ANKRD44: variants seen among roughly 807,000 people sequenced by gnomAD.
ANKRD44 encodes the protein serine/threonine-protein phosphatase 6 regulatory ankyrin repeat subunit B.
ANKRD44 carries 35 observed loss-of-function variants against 116.0 expected under a neutral mutation model. That is an observed-to-expected ratio of 0.30 (90% CI 0.23 to 0.40). The LOEUF (loss-of-function observed/expected upper bound fraction) is 0.40, where lower values mean the gene tolerates loss of function less well. Among genes scored for constraint, ANKRD44 ranks in the 10% least tolerant of loss-of-function variants. ANKRD44 has a pLI of 1.00. For missense variants in ANKRD44, 1,014 were observed against 1,242.6 expected (o/e 0.82, Z 2.77); for synonymous variants, 435 against 461.8 (o/e 0.94, Z 0.74).
At chr2:197,260,784 G>A (rs2082581238) in intron 1 of ANKRD44, among the ~76,000 whole-genome samples, 1 of 146,560 alleles carries the variant, frequency 6.8e-6, no homozygotes, top group Admixed American at 6.9e-5. Context: ...TTTAACTGGT[G>A]TGAGATGGTA....
At chr2:197,231,267 A>T (rs2081855957) in intron 1 of ANKRD44, among the ~76,000 whole-genome samples, 1 of 152,142 alleles carries the variant, frequency 6.6e-6, no homozygotes, top group African/African-American at 2.4e-5. Flanking sequence ...TAAAAAAATT[A>T]AAAATTTAAA....
At chr2:197,007,135 A>T (rs1383397850) in intron 20 of ANKRD44, among the ~76,000 whole-genome samples, 1 of 152,102 alleles carries the variant, frequency 6.6e-6, no homozygotes, top group African/African-American at 2.4e-5. Flanking sequence ...AGATGTGTGC[A>T]AATAATTGCC....
At chr2:196,972,718 T>A (rs1037873354) in intron 21 of ANKRD44, among the ~76,000 whole-genome samples, 5 of 152,196 alleles carry the variant, frequency 3.3e-5, no homozygotes, top group African/African-American at 1.2e-4. Context: ...CTCTTTTGAT[T>A]AGGATTTTTT....
rs2075873458 is a variant in ANKRD44, at chr2:196,989,047, C to A, written c.*544G>T. Reference sequence around the variant, plus strand: ...CCCTCTCTAACCAACGCGGAAGAACCTGAGGGTCATCTGGAAACCTTAGCA... The same window carrying A: ...CCCTCTCTAACCAACGCGGAAGAACATGAGGGTCATCTGGAAACCTTAGCA... On this transcript the variant is annotated 3_prime_UTR_variant, in exon 28 of 28. Coordinates refer to ENST00000282272, the MANE Select transcript of ANKRD44 (RefSeq NM_001195144.2). The A allele has an allele frequency of 4.1e-6, 4 of 985,392 alleles. No homozygotes were observed. The highest frequency in any genetic ancestry group is 4.8e-6 in the Non-Finnish European group (4 of 829,980). The allele number at this position is 985,392 out of a possible 1,614,324, so 61.0% of individuals were successfully genotyped here. A position where few individuals can be genotyped will look rare whatever the true frequency, so the allele number is the denominator to read the frequency against.
At chr2:196,974,431 A>G (rs1179652069) in intron 21 of ANKRD44, among the ~76,000 whole-genome samples, 1 of 152,214 alleles carries the variant, frequency 6.6e-6, no homozygotes, top group African/African-American at 2.4e-5. Context: ...GAAGTTACAA[A>G]GGAAATTGGA....
At chr2:197,173,522 T>C (rs2080290446) in intron 2 of ANKRD44, among the ~76,000 whole-genome samples, 1 of 152,176 alleles carries the variant, frequency 6.6e-6, no homozygotes, top group Non-Finnish European at 1.5e-5. Context: ...GTTCTGAATA[T>C]TACTTTAGGG....
chr2:196,978,355 C>G (rs750960270), intron 21 of ANKRD44, among the ~76,000 whole-genome samples: 80 of 152,306 alleles, frequency 5.3e-4, no homozygotes, highest in Non-Finnish European at 9.4e-4. Context: ...ACCATGCTTC[C>G]TGTACAGCCT....
intron 13 of ANKRD44, among the ~76,000 whole-genome samples, chr2:197,085,853 G>A (rs188165965): frequency 1.3e-5 from 2 of 152,068 alleles, no homozygotes; most frequent in East Asian, 1.9e-4. Flanking sequence ...TGTTTCTTGC[G>A]CAAGATACAA....
intron 1 of ANKRD44, among the ~76,000 whole-genome samples, chr2:197,220,579 G>T (rs1442197192): frequency 6.6e-6 from 1 of 152,134 alleles, no homozygotes; most frequent in Non-Finnish European, 1.5e-5. Flanking sequence ...TTGTGGGGAG[G>T]CTCCACAGCT....
chr2:197,302,050 G>A (rs1256454887), intron 1 of ANKRD44, among the ~76,000 whole-genome samples: 2 of 152,226 alleles, frequency 1.3e-5, no homozygotes, highest in Non-Finnish European at 2.9e-5. Context: ...CTAGGGAGGA[G>A]CTGCACAGGG....
chr2:197,290,647 T>C (rs1481959717), intron 1 of ANKRD44, among the ~76,000 whole-genome samples: 1 of 152,244 alleles, frequency 6.6e-6, no homozygotes, highest in African/African-American at 2.4e-5. Flanking sequence ...TTACTTTGCA[T>C]GTATTATTAC....
At chr2:196,992,236 T>C (rs1377675055) in intron 27 of ANKRD44, among the ~76,000 whole-genome samples, 2 of 152,210 alleles carry the variant, frequency 1.3e-5, no homozygotes, top group African/African-American at 2.4e-5. Context: ...TTTTGTTGTT[T>C]TGTTTATCAT....
At chr2:197,078,446 C>A in intron 16 of ANKRD44, 1 of 939,260 alleles carries the variant, frequency 1.1e-6, no homozygotes, top group Non-Finnish European at 1.4e-6. Context: ...AATGGTACTG[C>A]CTTATATCGA....
chr2:197,065,208 G>A (rs1226838078), intron 16 of ANKRD44, among the ~76,000 whole-genome samples: 1 of 152,126 alleles, frequency 6.6e-6, no homozygotes, highest in Admixed American at 6.5e-5. Context: ...TGACTACTGG[G>A]TACATAACGA....
At chr2:197,074,998 C>G (rs986706595) in intron 16 of ANKRD44, among the ~76,000 whole-genome samples, 91 of 152,206 alleles carry the variant, frequency 6.0e-4, no homozygotes, top group Middle Eastern at 3.4e-3. Context: ...GCATTTGTCA[C>G]CCCTACTTAT....
At chr2:197,068,308 A>G (rs2077479868) in intron 16 of ANKRD44, among the ~76,000 whole-genome samples, 1 of 143,472 alleles carries the variant, frequency 7.0e-6, no homozygotes, top group Admixed American at 7.0e-5. Context: ...ACATGTATAC[A>G]TATGTAACTA....
intron 27 of ANKRD44, chr2:196,990,811 C>A: frequency 8.1e-7 from 1 of 1,232,134 alleles, no homozygotes; most frequent in Non-Finnish European, 1.0e-6. Flanking sequence ...TTTAAACAAA[C>A]GAAGTTGACA....
rs1406220 is a variant in ANKRD44, at chr2:197,124,454, G to A, written c.550+927C>T. On this transcript the variant is annotated intron_variant, in intron 6 of 27. Transcript: ENST00000282272. The stretch of plus-strand genomic sequence containing the variant: ...TTAGCATATAATATTTTCCAAGTTT[G>A]TTATTGTACAGATTTTTCAATGAAA... 1.9e-3 allele frequency among the ~76,000 whole-genome samples: 292 copies of A among 152,148 alleles called. 1 individual carries two copies. The highest frequency in any genetic ancestry group is 6.8e-3 in the African/African-American group (284 of 41,500).
At chr2:196,979,554 CTTTTTTTTTT>C (rs71012942) in intron 21 of ANKRD44, among the ~76,000 whole-genome samples, 4 of 59,644 alleles carry the variant, frequency 6.7e-5, no homozygotes, top group South Asian at 8.5e-4. Context: ...AATAAGATGA[CTTTTTTTTTT>C]TTTTTTTTTT....
Sources: allele counts gnomAD v4.1 joint callset (sites outside exome capture counted in the v4.1 genomes callset), GRCh38; gene constraint gnomAD v4.1.1; transcripts MANE v1.5; gene names NCBI Gene and HGNC (gene_info 2026-07-23, HGNC 2026-07-21).